Variants in CACNA1E observed in about 807,000 individuals in gnomAD.
CACNA1E encodes the protein voltage-dependent R-type calcium channel subunit alpha-1E.
CACNA1E carries 40 observed loss-of-function variants against 259.2 expected under a neutral mutation model. That is an observed-to-expected ratio of 0.15 (90% CI 0.12 to 0.20). The LOEUF (loss-of-function observed/expected upper bound fraction) is 0.20. CACNA1E is among the 10% of genes least tolerant of loss of function. The probability of loss-of-function intolerance (pLI) is 1.00; values close to 1 mark genes in which losing one functional copy is unlikely to be tolerated. For synonymous variants in CACNA1E, 1,104 were observed against 1,138.5 expected, an observed-to-expected ratio of 0.97 and a Z score of 0.61; for missense variants, 1,874 against 3,040.1, an observed-to-expected ratio of 0.62 and a Z score of 9.02.
chr1:181,450,064 C>A (rs530826167), intron 2 of CACNA1E, among the ~76,000 whole-genome samples: 2 of 152,272 alleles, frequency 1.3e-5, no homozygotes, highest in Non-Finnish European at 2.9e-5. Context: ...AACTTACAAT[C>A]ATGGTGGAAA....
intron 8 of CACNA1E, among the ~76,000 whole-genome samples, chr1:181,711,842 C>T (rs1653398959): frequency 6.6e-6 from 1 of 152,098 alleles, no homozygotes; most frequent in African/African-American, 2.4e-5. Flanking sequence ...AAGTGGGCAG[C>T]AATCGTGTTT....
intron 1 of CACNA1E, among the ~76,000 whole-genome samples, chr1:181,328,219 G>A (rs920869349): frequency 1.3e-5 from 2 of 152,116 alleles, no homozygotes; most frequent in African/African-American, 4.8e-5. Context: ...TGGTTCATAG[G>A]TGGTGCCTTC....
chr1:181,740,924 G>A (rs1408603533), intron 25 of CACNA1E, among the ~76,000 whole-genome samples: 5 of 152,182 alleles, frequency 3.3e-5, no homozygotes, highest in Admixed American at 2.0e-4. Context: ...CCAAAAGAGG[G>A]ACTTCCAGCT....
intron 3 of CACNA1E, among the ~76,000 whole-genome samples, chr1:181,567,647 T>C (rs1486030569): frequency 2.6e-5 from 4 of 152,228 alleles, no homozygotes; most frequent in Non-Finnish European, 5.9e-5. Context: ...TACAATGCCA[T>C]GTTTGTGGTT....
chr1:181,633,984 G>T (rs199914), intron 6 of CACNA1E, among the ~76,000 whole-genome samples: 141,967 of 152,272 alleles, frequency 0.93, 66,369 homozygotes, highest in East Asian at 1. Context: ...ACCTGTCCAG[G>T]TAGATACCCA....
intron 7 of CACNA1E, among the ~76,000 whole-genome samples, chr1:181,680,954 A>G (rs1362938241): frequency 1.3e-5 from 2 of 152,312 alleles, no homozygotes; most frequent in African/African-American, 2.4e-5. Context: ...TTGTCTGCCA[A>G]TGCTACCTTT....
chr1:181,658,743 G>A (rs1277743542), intron 7 of CACNA1E, among the ~76,000 whole-genome samples: 2 of 152,198 alleles, frequency 1.3e-5, no homozygotes, highest in African/African-American at 4.8e-5. Context: ...AGTGACAGTG[G>A]CAGCTGGGAA....
chr1:181,580,957 C>T (rs1651458379), intron 6 of CACNA1E, among the ~76,000 whole-genome samples, 181 bp downstream of exon 6: 1 of 152,172 alleles, frequency 6.6e-6, no homozygotes, highest in African/African-American at 2.4e-5. Context: ...TTTGTCTGGC[C>T]TGTTGCTACG....
intron 1 of CACNA1E, among the ~76,000 whole-genome samples, chr1:181,389,949 G>T (rs559127801): frequency 6.6e-6 from 1 of 152,388 alleles, no homozygotes; most frequent in South Asian, 2.1e-4. Context: ...AGTGAAGGAG[G>T]AGACTGACGT....
intron 25 of CACNA1E, among the ~76,000 whole-genome samples, chr1:181,740,257 G>A (rs1656438045): frequency 1.3e-5 from 2 of 152,200 alleles, no homozygotes; most frequent in South Asian, 4.1e-4. Flanking sequence ...TGTCATTGAT[G>A]GCAGCTGCAA....
Position 181,446,959 on chromosome 1 carries a change from G to A in CACNA1E, c.434+33379G>A, listed in dbSNP as rs535945585. Among the ~76,000 whole-genome samples the A allele has an allele frequency of 3.0e-4, 45 of 152,142 alleles. 1 individual carries two copies. The highest frequency in any genetic ancestry group is 9.6e-4 in the African/African-American group (40 of 41,512). ...ACCTGTTGGACTCTTCTTAATTCCC[G>A]AAGAATCTGGGCCATTGTTTTTTAA... On this transcript the variant is annotated intron_variant, in intron 2 of 11. Transcript: ENST00000524607.
intron 6 of CACNA1E, among the ~76,000 whole-genome samples, chr1:181,623,066 T>G (rs1311004376): frequency 2.0e-5 from 3 of 152,222 alleles, no homozygotes; most frequent in Non-Finnish European, 4.4e-5. Flanking sequence ...CAATGATTAT[T>G]AATCATCATC....
At chr1:181,760,746 G>T (rs1658512419) in intron 32 of CACNA1E, among the ~76,000 whole-genome samples, 1 of 152,184 alleles carries the variant, frequency 6.6e-6, no homozygotes, top group Non-Finnish European at 1.5e-5. Flanking sequence ...AAGAGGTAGG[G>T]CCAGGATTCA....
chr1:181,547,859 T>C (rs940411258), intron 3 of CACNA1E, among the ~76,000 whole-genome samples: 3 of 152,236 alleles, frequency 2.0e-5, no homozygotes, highest in Admixed American at 6.5e-5. Flanking sequence ...ACCTCATACA[T>C]AGAAGTAAAA....
chr1:181,786,361 G>A (rs1208779675), intron 43 of CACNA1E, among the ~76,000 whole-genome samples: 1 of 152,188 alleles, frequency 6.6e-6, no homozygotes, highest in African/African-American at 2.4e-5. Flanking sequence ...TACACATGAA[G>A]AAACTGGAGA....
chr1:181,699,469 G>A (rs970096284), intron 7 of CACNA1E, among the ~76,000 whole-genome samples: 1 of 152,184 alleles, frequency 6.6e-6, no homozygotes, highest in Non-Finnish European at 1.5e-5. Context: ...AAGAGAGACA[G>A]AGCAGATCTA....
intron 3 of CACNA1E, among the ~76,000 whole-genome samples, chr1:181,519,752 G>A (rs1177323190): frequency 6.6e-6 from 1 of 152,082 alleles, no homozygotes; most frequent in Non-Finnish European, 1.5e-5. Context: ...GCTGCTTCTT[G>A]GTTGTATTTA....
At chr1:181,638,526 C>T (rs1464169352) in intron 6 of CACNA1E, among the ~76,000 whole-genome samples, 1 of 152,178 alleles carries the variant, frequency 6.6e-6, no homozygotes, top group Non-Finnish European at 1.5e-5. Context: ...CCCAGCTTCA[C>T]ATGCTTATTG....
chr1:181,414,858 A>G (rs1658145434), intron 2 of CACNA1E, among the ~76,000 whole-genome samples: 1 of 152,218 alleles, frequency 6.6e-6, no homozygotes, highest in South Asian at 2.1e-4. Context: ...GCCTTTAACC[A>G]TGATGGCACA....
Sources: gnomAD v4.1 joint callset for allele counts (sites outside exome capture counted in the v4.1 genomes callset) on GRCh38, gnomAD v4.1.1 for gene constraint, MANE v1.5 for transcripts, NCBI Gene and HGNC (gene_info 2026-07-23, HGNC 2026-07-21) for gene names.